The following SCAPER variants were observed in gnomAD, a reference collection of about 807,000 sequenced individuals.
The protein encoded by SCAPER is S phase cyclin A-associated protein in the endoplasmic reticulum.
Under a neutral mutation model 182.2 loss-of-function variants are expected in SCAPER, and 98 were observed. That is an observed-to-expected ratio of 0.54 (90% CI 0.46 to 0.64). SCAPER has a LOEUF of 0.64. SCAPER is among the 30% of genes least tolerant of loss of function. The pLI is 0.00. For synonymous variants in SCAPER, 605 were observed against 564.6 expected (o/e 1.07, Z -1.01); for missense variants, 1,432 against 1,690.0 (o/e 0.85, Z 2.68).
chr15:76,891,752 T>C lies in SCAPER; in HGVS notation c.-59-7876A>G, dbSNP rs143363200. Among the ~76,000 whole-genome samples the C allele has an allele frequency of 8.1e-3, 1,231 of 152,290 alleles. 13 individuals carry two copies. The highest frequency in any genetic ancestry group is 0.028 in the African/African-American group (1,167 of 41,544). On this transcript the variant is annotated intron_variant, in intron 1 of 31. Transcript: ENST00000563290. ...TGGCCATACTGTCCAAGGTAATTTA[T>C]AGACTCAATGCCATCCCCATCAAGC...
chr15:76,704,515 G>A (rs556938846), intron 18 of SCAPER, among the ~76,000 whole-genome samples: 28 of 152,168 alleles, frequency 1.8e-4, no homozygotes, highest in African/African-American at 6.5e-4. Context: ...TGTAAGGAAG[G>A]GATCCAGTTT....
intron 30 of SCAPER, among the ~76,000 whole-genome samples, chr15:76,351,707 C>A (rs1376857714): frequency 1.3e-5 from 2 of 152,060 alleles, no homozygotes; most frequent in African/African-American, 4.8e-5. Flanking sequence ...ATATGTAAAT[C>A]TTCAGAAACC....
intron 21 of SCAPER, among the ~76,000 whole-genome samples, chr15:76,627,271 A>AT (rs912522620): frequency 9.9e-5 from 15 of 151,848 alleles, no homozygotes; most frequent in Admixed American, 2.0e-4. Flanking sequence ...TTAAACCTCT[A>AT]TTTTTTTTAT....
intron 20 of SCAPER, among the ~76,000 whole-genome samples, chr15:76,683,922 G>A (rs1327800157): frequency 6.6e-6 from 1 of 152,126 alleles, no homozygotes; most frequent in African/African-American, 2.4e-5. Flanking sequence ...AATGGAGCAA[G>A]ACCACGTTTC....
intron 4 of SCAPER, among the ~76,000 whole-genome samples, chr15:76,855,651 G>A (rs575345088): frequency 3.3e-5 from 5 of 152,088 alleles, no homozygotes; most frequent in South Asian, 2.1e-4. Context: ...ACATGCAGCC[G>A]ATAAGCATAT....
intron 8 of SCAPER, among the ~76,000 whole-genome samples, chr15:76,780,193 T>C (rs1280777746): frequency 1.3e-5 from 2 of 152,258 alleles, no homozygotes; most frequent in African/African-American, 4.8e-5. Context: ...GCTTTTCCCA[T>C]GGTCTTAGCA....
At chr15:76,896,463 C>A (rs920410259) in intron 1 of SCAPER, among the ~76,000 whole-genome samples, 1 of 152,076 alleles carries the variant, frequency 6.6e-6, no homozygotes, top group Admixed American at 6.5e-5. Flanking sequence ...AAACTGATGA[C>A]AAACTGAAAA....
intron 24 of SCAPER, chr15:76,472,300 C>T (rs2050247675): frequency 4.6e-6 from 3 of 649,566 alleles, no homozygotes; most frequent in South Asian, 1.4e-5. Flanking sequence ...GGGAATAACC[C>T]TGCAGAAAAT....
intron 23 of SCAPER, among the ~76,000 whole-genome samples, chr15:76,553,693 G>A (rs761655020): frequency 2.0e-5 from 3 of 152,058 alleles, no homozygotes; most frequent in Non-Finnish European, 4.4e-5. Context: ...GAGAGTAAGA[G>A]CACACAGCCA....
At chr15:76,607,155 T>C (rs1011691565) in intron 22 of SCAPER, among the ~76,000 whole-genome samples, 21 of 152,026 alleles carry the variant, frequency 1.4e-4, no homozygotes, top group African/African-American at 3.6e-4. Flanking sequence ...TGGCTGGTAC[T>C]GGTTGTTCCT....
chr15:76,388,889 A>T (rs2043464195), intron 27 of SCAPER, among the ~76,000 whole-genome samples: 1 of 151,636 alleles, frequency 6.6e-6, no homozygotes, highest in African/African-American at 2.4e-5. Flanking sequence ...TGAACCCAGG[A>T]GGTGGAGGTT....
At chr15:76,406,264 G>A (rs2044822300) in intron 26 of SCAPER, among the ~76,000 whole-genome samples, 1 of 152,068 alleles carries the variant, frequency 6.6e-6, no homozygotes, top group African/African-American at 2.4e-5. Context: ...GATCACTTGA[G>A]GTCAGGAGTT....
At chr15:76,633,386 TCTCA>T (rs1159592173) in intron 21 of SCAPER, among the ~76,000 whole-genome samples, 5 of 152,314 alleles carry the variant, frequency 3.3e-5, no homozygotes, top group African/African-American at 4.8e-5. Context: ...TATTGGGACA[TCTCA>T]CTCAGTCAGG....
chr15:76,404,976 C>G (rs928618130), intron 26 of SCAPER, among the ~76,000 whole-genome samples: 21 of 152,008 alleles, frequency 1.4e-4, no homozygotes, highest in Non-Finnish European at 2.9e-4. Flanking sequence ...AGTCTAACAA[C>G]AAGTGAAATG....
In SCAPER at chr15:76,557,996, A is replaced by G. The variant is rs1012144239; in HGVS notation, c.2838+16162T>C. ...TTTCTTACACCATATAAAAAAATCAATTCAAAATGGATTAAAGACTTAAAT... is the reference window on the plus strand; with the variant it reads ...TTTCTTACACCATATAAAAAAATCAGTTCAAAATGGATTAAAGACTTAAAT... On this transcript the variant is annotated intron_variant, in intron 23 of 31. Coordinates refer to ENST00000563290, the MANE Select transcript of SCAPER (RefSeq NM_020843.4). Among the ~76,000 whole-genome samples, 8 of 152,314 alleles carry G rather than the reference A, an allele frequency of 5.3e-5. 1 individual carries two copies. Among genetic ancestry groups the G allele is most frequent in the African/African-American group, 1.9e-4 (8 of 41,586 alleles).
chr15:76,375,581 T>C (rs1175585765), intron 29 of SCAPER, among the ~76,000 whole-genome samples: 1 of 152,202 alleles, frequency 6.6e-6, no homozygotes, highest in African/African-American at 2.4e-5. Context: ...ACAATCTACA[T>C]GGTAAGAGAG....
intron 5 of SCAPER, among the ~76,000 whole-genome samples, chr15:76,836,501 T>C (rs575342409): frequency 2.0e-5 from 3 of 152,312 alleles, no homozygotes; most frequent in African/African-American, 7.2e-5. Flanking sequence ...CTGGGATAAC[T>C]AGCTAGCCAT....
Position 76,905,327 on chromosome 15 carries a change from G to A in SCAPER, c.-88C>T. On this transcript the variant is annotated 5_prime_UTR_variant, in exon 1 of 32. Transcript: ENST00000563290. ...CGACCGCCCTGCTTAGTTCGGGGCG[G>A]CTCAAAGCGTCCCGCCGGGAAAGGG... 1.6e-5 allele frequency: 4 copies of A among 244,360 alleles called. No homozygotes were observed. The highest frequency in any genetic ancestry group is 3.4e-5 in the Non-Finnish European group (4 of 116,234). The allele number at this position is 244,360 out of a possible 1,614,324, so 15.1% of individuals were successfully genotyped here.
chr15:76,641,482 C>T (rs1229894468), intron 21 of SCAPER, among the ~76,000 whole-genome samples: 2 of 152,100 alleles, frequency 1.3e-5, no homozygotes, highest in African/African-American at 4.8e-5. Flanking sequence ...CCCCTGGACC[C>T]AGCTTTCACT....
Sources: gnomAD v4.1 joint callset for allele counts (sites outside exome capture counted in the v4.1 genomes callset) on GRCh38, gnomAD v4.1.1 for gene constraint, MANE v1.5 for transcripts, NCBI Gene and HGNC (gene_info 2026-07-23, HGNC 2026-07-21) for gene names.